SLIT1: variants seen among roughly 807,000 people sequenced by gnomAD.
SLIT1 encodes the protein slit guidance ligand 1, also known as slit homolog 1 protein.
Under a neutral mutation model 186.1 loss-of-function variants are expected in SLIT1, and 66 were observed. The ratio of observed to expected loss-of-function variants is 0.35; its 90% confidence interval spans 0.29 to 0.44. SLIT1 has a LOEUF of 0.44. Ranked by LOEUF, SLIT1 falls within the 20% of genes least tolerant of loss-of-function variation. The pLI is 1.00. For missense variants in SLIT1, 1,638 were observed against 2,037.4 expected (o/e 0.80, Z 3.77); for synonymous variants, 761 against 833.8 (o/e 0.91, Z 1.50).
chr10:97,023,946 A>C (rs1298645534), intron 25 of SLIT1, among the ~76,000 whole-genome samples: 3 of 152,146 alleles, frequency 2.0e-5, no homozygotes, highest in Middle Eastern at 3.4e-3. Flanking sequence ...CAGTGGAAAA[A>C]GAAAAAAGAA....
At position 97,104,065 on chromosome 10, in the gene SLIT1, C is replaced by T. The variant is rs185462748; in HGVS notation, c.414-37979G>A. On this transcript the variant is annotated intron_variant, in intron 4 of 36. Coordinates refer to ENST00000266058, the MANE Select transcript of SLIT1 (RefSeq NM_003061.3). ...GTGGAGCTCATATTCTGTGGGGTAGCGGGTGGAGGTGAGTACTACAGAGAA... is the reference window on the plus strand; with the variant it reads ...GTGGAGCTCATATTCTGTGGGGTAGTGGGTGGAGGTGAGTACTACAGAGAA... Among the ~76,000 whole-genome samples the T allele has an allele frequency of 1.3e-4, 19 of 151,954 alleles. No individual in the cohort carries two copies. The East Asian group carries it at 2.1e-3, about 17-fold the overall frequency.
intron 4 of SLIT1, among the ~76,000 whole-genome samples, chr10:97,119,384 G>C (rs1320557003): frequency 6.6e-6 from 1 of 152,162 alleles, no homozygotes; most frequent in Non-Finnish European, 1.5e-5. Context: ...TGCTGCCTCC[G>C]TGTTCTTCAA....
chr10:97,068,241 C>T lies in SLIT1; in HGVS notation c.414-2155G>A, dbSNP rs965422620. On this transcript the variant is annotated intron_variant, in intron 4 of 36. Transcript: ENST00000266058. This position sits in a 1 kb window ranked among gnomAD's most constrained non-coding sequence, Gnocchi z 4.2. Reference sequence around the variant, plus strand: ...CCTTCTCTGGGCTGGGGACTTGCAGCTGGAGGGAGGAGCCTGGGGTTCGAG... The same window carrying T: ...CCTTCTCTGGGCTGGGGACTTGCAGTTGGAGGGAGGAGCCTGGGGTTCGAG... Among the ~76,000 whole-genome samples the T allele has an allele frequency of 1.3e-5, 2 of 152,136 alleles. No individual in the cohort carries two copies. The highest frequency in any genetic ancestry group is 4.8e-5 in the African/African-American group (2 of 41,414).
At chr10:97,005,401 C>T (rs1463720387) in intron 32 of SLIT1, among the ~76,000 whole-genome samples, 1 of 152,196 alleles carries the variant, frequency 6.6e-6, no homozygotes, top group East Asian at 1.9e-4. Flanking sequence ...CCTGCCTTGT[C>T]CTGCTCCCTC....
Position 97,000,314 on chromosome 10 carries a change from A to G in SLIT1, c.*798T>C, listed in dbSNP as rs1164604015. On this transcript the variant is annotated 3_prime_UTR_variant, in exon 37 of 37. Transcript: ENST00000266058. ...TACTGTGGCCAGTGTCTGGAGGCAG[A>G]TGATGTTTGTTTATCTAGAGCAAAG... 2.0e-5 allele frequency: 3 copies of G among 152,356 alleles called. No homozygotes were observed. Among genetic ancestry groups the G allele is most frequent in the African/African-American group, 7.2e-5 (3 of 41,464 alleles). The allele number at this position is 152,356 out of a possible 1,614,324, so 9.4% of individuals were successfully genotyped here.
At chr10:97,009,831 A>C (rs770250814) in intron 31 of SLIT1, among the ~76,000 whole-genome samples, 1 of 152,234 alleles carries the variant, frequency 6.6e-6, no homozygotes, top group Non-Finnish European at 1.5e-5. Flanking sequence ...CTTGAATAAA[A>C]ATTTTTTCCA....
intron 3 of SLIT1, among the ~76,000 whole-genome samples, chr10:97,160,919 C>T (rs2134723538): frequency 6.6e-6 from 1 of 152,190 alleles, no homozygotes; most frequent in African/African-American, 2.4e-5. Context: ...CAGGGTTTCA[C>T]CATGTTGGCC....
At position 96,998,079 on chromosome 10, in the gene SLIT1, C is replaced by G. The variant is rs1848262969; in HGVS notation, c.*3033G>C. 6.6e-6 allele frequency: 1 copy of G among 152,198 alleles called. No individual in the cohort carries two copies. The highest frequency in any genetic ancestry group is 2.4e-5 in the African/African-American group (1 of 41,412). 9.4% of individuals were successfully genotyped at this position (152,198 alleles called of 1,614,324 possible). On this transcript the variant is annotated 3_prime_UTR_variant, in exon 37 of 37. Coordinates refer to ENST00000266058, the MANE Select transcript of SLIT1 (RefSeq NM_003061.3). ...TCATGTTCACATGGAAGACAACAGA[C>G]AATATCGACATAGTCTAAAACAATA...
At chr10:97,131,837 C>A (rs2134695434) in intron 4 of SLIT1, among the ~76,000 whole-genome samples, 1 of 152,344 alleles carries the variant, frequency 6.6e-6, no homozygotes, top group Admixed American at 6.5e-5. Flanking sequence ...ACTGCATTTG[C>A]TAAACCCAGC....
At chr10:97,182,969 A>AG (rs898937166) in intron 1 of SLIT1, among the ~76,000 whole-genome samples, 2 of 144,834 alleles carry the variant, frequency 1.4e-5, no homozygotes, top group African/African-American at 5.3e-5. Flanking sequence ...TCTACAAAAA[A>AG]GGAAAAAAAA....
chr10:97,174,163 A>G (rs75630003), intron 1 of SLIT1, among the ~76,000 whole-genome samples: 3,486 of 152,322 alleles, frequency 0.023, 63 homozygotes, highest in Non-Finnish European at 0.035. Context: ...TCGGACTGCC[A>G]TCGGAGTTGT....
rs545246838 is a variant in SLIT1, at chr10:96,998,985, G to A, written c.*2127C>T. The A allele has an allele frequency of 1.2e-3, 189 of 152,422 alleles. No homozygotes were observed. The highest frequency in any genetic ancestry group is 6.8e-3 in the Middle Eastern group (2 of 296). 9.4% of individuals were successfully genotyped at this position (152,422 alleles called of 1,614,324 possible). On this transcript the variant is annotated 3_prime_UTR_variant, in exon 37 of 37. Coordinates refer to ENST00000266058, the MANE Select transcript of SLIT1 (RefSeq NM_003061.3). ...GGGTGGTGGGGAATGGTGGTGGCCA[G>A]GAAAGCTATCTTTCTCAGGGTTGGT...
chr10:97,183,164 C>T (rs1850365027), intron 1 of SLIT1, among the ~76,000 whole-genome samples: 1 of 152,048 alleles, frequency 6.6e-6, no homozygotes, highest in African/African-American at 2.4e-5. Flanking sequence ...GGCTTCTCAC[C>T]CCAGTGTTCC....
chr10:97,064,922 A>G, intron 5 of SLIT1, 46 bp from the exon 6 acceptor site: 4 of 1,490,680 alleles, frequency 2.7e-6, no homozygotes, highest in Non-Finnish European at 3.7e-6. Context: ...CATTGCCTAG[A>G]GTAAGGGTGT....
chr10:97,135,694 C>T (rs1051731762), intron 4 of SLIT1, among the ~76,000 whole-genome samples: 1 of 152,184 alleles, frequency 6.6e-6, no homozygotes, highest in African/African-American at 2.4e-5. Flanking sequence ...GTACTTGGGT[C>T]TCTCCCCAGC....
intron 25 of SLIT1, among the ~76,000 whole-genome samples, chr10:97,027,098 CAT>C (rs1848552573): frequency 6.6e-6 from 1 of 152,178 alleles, no homozygotes; most frequent in Non-Finnish European, 1.5e-5. Context: ...TTCTCAGTAA[CAT>C]CAGCACCTTC....
At chr10:97,050,415 C>G (rs192281690) in intron 13 of SLIT1, among the ~76,000 whole-genome samples, 1 of 152,224 alleles carries the variant, frequency 6.6e-6, no homozygotes, top group Non-Finnish European at 1.5e-5. Flanking sequence ...TCTGGCCCCC[C>G]GGTTGGGAGC....
intron 4 of SLIT1, among the ~76,000 whole-genome samples, chr10:97,087,816 GC>G (rs1849182568): frequency 6.6e-6 from 1 of 152,262 alleles, no homozygotes; most frequent in African/African-American, 2.4e-5. Flanking sequence ...GATCAGCCCA[GC>G]CAATATTTCC....
chr10:97,088,601 C>T (rs1849193564), intron 4 of SLIT1, among the ~76,000 whole-genome samples: 1 of 152,152 alleles, frequency 6.6e-6, no homozygotes, highest in Non-Finnish European at 1.5e-5. Flanking sequence ...AAGAGTTACA[C>T]ATGGCATGGG....
Sources: allele counts gnomAD v4.1 joint callset (sites outside exome capture counted in the v4.1 genomes callset), GRCh38; gene constraint gnomAD v4.1.1; non-coding constraint Gnocchi (gnomAD v3.1); transcripts MANE v1.5; gene names NCBI Gene and HGNC (gene_info 2026-07-23, HGNC 2026-07-21).